The following DOCK1 variants were observed in gnomAD, a reference collection of about 807,000 sequenced individuals.
DOCK1 encodes the protein dedicator of cytokinesis 1.
In DOCK1, 138 loss-of-function variants were observed where a neutral mutation model predicts 262.7. The ratio of observed to expected loss-of-function variants is 0.53; its 90% CI spans 0.46 to 0.61. The LOEUF (loss-of-function observed/expected upper bound fraction) is 0.61. DOCK1 is among the 20% of genes least tolerant of loss of function. The pLI, the probability that DOCK1 is intolerant of heterozygous loss-of-function variation, is 0.00. For missense variants in DOCK1, 1,908 were observed against 2,370.7 expected (o/e 0.80, Z 4.05); for synonymous variants, 866 against 867.4 (o/e 1.00, Z 0.03).
At chr10:127,277,801 C>A (rs924981019) in intron 29 of DOCK1, among the ~76,000 whole-genome samples, 2 of 152,236 alleles carry the variant, frequency 1.3e-5, no homozygotes, top group South Asian at 4.1e-4. Flanking sequence ...ACGATTTGAA[C>A]GCTTTTTAGA....
chr10:127,281,695 C>T (rs1396687330), intron 29 of DOCK1, among the ~76,000 whole-genome samples: 1 of 152,180 alleles, frequency 6.6e-6, no homozygotes, highest in African/African-American at 2.4e-5. Context: ...CAGCAGAAGA[C>T]ACGCAGGGTT....
chr10:127,036,682 G>C (rs1309293513), intron 18 of DOCK1, among the ~76,000 whole-genome samples: 2 of 152,020 alleles, frequency 1.3e-5, no homozygotes, highest in Non-Finnish European at 2.9e-5. Context: ...TTACCTTAAA[G>C]AATATCTTGG....
At chr10:126,918,814 G>A (rs566143178) in intron 1 of DOCK1, among the ~76,000 whole-genome samples, 2 of 152,122 alleles carry the variant, frequency 1.3e-5, no homozygotes, top group Non-Finnish European at 2.9e-5. Context: ...CAAAGTCAGC[G>A]AAGTCACTTC....
chr10:127,447,718 C>T (rs1591102286), intron 51 of DOCK1, among the ~76,000 whole-genome samples, 173 bp downstream of exon 51: 1 of 152,278 alleles, frequency 6.6e-6, no homozygotes, highest in Non-Finnish European at 1.5e-5. Context: ...AGTAAGGACT[C>T]CAGTGGGTAA....
chr10:127,039,964 C>T (rs1327676053), intron 19 of DOCK1, among the ~76,000 whole-genome samples: 2 of 152,152 alleles, frequency 1.3e-5, no homozygotes, highest in African/African-American at 4.8e-5. Context: ...CGTGTGAAGG[C>T]CCTCCTTCAG....
In DOCK1 at chr10:127,446,814, A is replaced by T. The variant is rs989738568; in HGVS notation, c.5414-580A>T. On this transcript the variant is annotated intron_variant, in intron 50 of 51. Coordinates refer to ENST00000623213, the MANE Select transcript of DOCK1 (RefSeq NM_001290223.2). The surrounding 1 kb of genome is among the most constrained non-coding windows in gnomAD (Gnocchi z 4.4). ...TTTTTCCAGTTTACTTTAAAAATCA[A>T]TTGTACTTCCCCTTGGCTTATTTAA... is the stretch of plus-strand genomic sequence containing the variant. Among the ~76,000 whole-genome samples the T allele has an allele frequency of 6.6e-6, 1 of 152,190 alleles. No individual in the cohort carries two copies. Among genetic ancestry groups the T allele is most frequent in the African/African-American group, 2.4e-5 (1 of 41,454 alleles).
At chr10:127,216,309 T>TAAA (rs57559331) in intron 27 of DOCK1, among the ~76,000 whole-genome samples, 119 of 141,338 alleles carry the variant, frequency 8.4e-4, no homozygotes, top group African/African-American at 2.9e-3. Context: ...GATAATTTAG[T>TAAA]AAAAAAAAAA....
rs532745168 is a variant in DOCK1 at position 127,310,510 on chromosome 10, C to T, written c.3045-28496C>T. The stretch of plus-strand genomic sequence containing the variant: ...TTTACATTATGGAAATGTGATAACC[C>T]GTTTGTATTACTTAAACTGTGCATT... On this transcript the variant is annotated intron_variant, in intron 29 of 51. Coordinates refer to ENST00000623213, the MANE Select transcript of DOCK1 (RefSeq NM_001290223.2). 5.9e-5 allele frequency among the ~76,000 whole-genome samples: 9 copies of T among 152,082 alleles called. 1 individual carries two copies. The highest frequency in any genetic ancestry group is 1.0e-4 in the Non-Finnish European group (7 of 68,030).
chr10:127,047,314 A>G (rs1476819327), intron 21 of DOCK1, among the ~76,000 whole-genome samples: 3 of 152,222 alleles, frequency 2.0e-5, no homozygotes, highest in Non-Finnish European at 4.4e-5. Context: ...TGCTCAACGG[A>G]TAAAAAATAG....
At chr10:127,161,936 C>A (rs2053626049) in intron 27 of DOCK1, among the ~76,000 whole-genome samples, 1 of 152,182 alleles carries the variant, frequency 6.6e-6, no homozygotes, top group Admixed American at 6.5e-5. Flanking sequence ...AGAAACTTAG[C>A]AGCTTTTTCC....
intron 27 of DOCK1, among the ~76,000 whole-genome samples, chr10:127,185,539 T>G (rs939334813): frequency 6.6e-6 from 1 of 152,184 alleles, no homozygotes; most frequent in African/African-American, 2.4e-5. Context: ...TCCTTAGAGC[T>G]GGGACCTTAG....
intron 27 of DOCK1, among the ~76,000 whole-genome samples, chr10:127,140,609 C>T (rs1001755075): frequency 6.6e-5 from 10 of 152,172 alleles, no homozygotes; most frequent in Admixed American, 6.5e-4. Flanking sequence ...GGGAAGCACA[C>T]CAAGTCTCTC....
chr10:127,324,160 C>T (rs1416089672), intron 29 of DOCK1, among the ~76,000 whole-genome samples: 1 of 152,140 alleles, frequency 6.6e-6, no homozygotes, highest in Non-Finnish European at 1.5e-5. Flanking sequence ...GGGGGAGAAT[C>T]CGCTTCTGAT....
chr10:126,942,982 C>T (rs1228636902), intron 1 of DOCK1, among the ~76,000 whole-genome samples: 9 of 151,920 alleles, frequency 5.9e-5, no homozygotes, highest in Non-Finnish European at 2.9e-5. Flanking sequence ...ATAGGCCGGA[C>T]GTGGTGGCTC....
intron 37 of DOCK1, among the ~76,000 whole-genome samples, chr10:127,382,222 G>T (rs1020571371): frequency 1.3e-5 from 2 of 152,188 alleles, no homozygotes; most frequent in African/African-American, 4.8e-5. Flanking sequence ...AAAATGTAAT[G>T]AAAGAAAACC....
At chr10:127,420,183 C>T (rs535537458) in intron 46 of DOCK1, among the ~76,000 whole-genome samples, 2 of 152,326 alleles carry the variant, frequency 1.3e-5, no homozygotes, top group Non-Finnish European at 2.9e-5. Context: ...CCGTGCACCT[C>T]TGGCGGTGGT....
chr10:127,250,780 A>G (rs1354672958), intron 28 of DOCK1, among the ~76,000 whole-genome samples: 1 of 105,138 alleles, frequency 9.5e-6, no homozygotes, highest in Non-Finnish European at 1.8e-5. Context: ...CGACACAGTG[A>G]GACTCCGTCT....
intron 27 of DOCK1, chr10:127,136,244 C>T (rs1418152332): frequency 1.3e-5 from 2 of 151,806 alleles, no homozygotes; most frequent in African/African-American, 4.8e-5. Context: ...AGAATCAAAA[C>T]ACTTAGAACT....
At chr10:127,225,188 A>G (rs1386843859) in intron 27 of DOCK1, among the ~76,000 whole-genome samples, 1 of 152,250 alleles carries the variant, frequency 6.6e-6, no homozygotes, top group Non-Finnish European at 1.5e-5. Flanking sequence ...GTGATACATT[A>G]CTAAGGCGCA....
Sources: gnomAD v4.1 joint callset for allele counts (sites outside exome capture counted in the v4.1 genomes callset) on GRCh38, gnomAD v4.1.1 for gene constraint, Gnocchi (gnomAD v3.1) non-coding constraint, MANE v1.5 for transcripts, NCBI Gene and HGNC (gene_info 2026-07-23, HGNC 2026-07-21) for gene names.